WDR64: variants seen among roughly 807,000 people sequenced by gnomAD.
WDR64 encodes WD repeat-containing protein 64.
A neutral mutation model predicts 139.3 loss-of-function variants in WDR64; 112 were observed. The ratio of observed to expected loss-of-function variants is 0.80; its 90% CI spans 0.69 to 0.94. The LOEUF is 0.94. WDR64 is among the 40% of genes least tolerant of loss of function. WDR64 has a pLI of 0.00. For missense variants in WDR64, 1,206 were observed against 1,293.1 expected (o/e 0.93, Z 1.03); for synonymous variants, 444 against 437.7 (o/e 1.01, Z -0.18).
chr1:241,681,393 T>C (rs1666787537), intron 6 of WDR64, among the ~76,000 whole-genome samples: 1 of 152,196 alleles, frequency 6.6e-6, no homozygotes, highest in African/African-American at 2.4e-5. Context: ...ATTCCTGAGT[T>C]ACTTCACTTA....
intron 26 of WDR64, 107 bp from the exon 27 acceptor site, chr1:241,796,150 G>A (rs1659358317): frequency 3.7e-6 from 2 of 545,746 alleles, no homozygotes; most frequent in African/African-American, 2.0e-5. Context: ...AGGGGGGTGT[G>A]TATTTTGAAG....
chr1:241,658,132 A>G (rs1489600152), intron 1 of WDR64, among the ~76,000 whole-genome samples: 1 of 152,240 alleles, frequency 6.6e-6, no homozygotes, highest in Non-Finnish European at 1.5e-5. Context: ...GTTCTTACAC[A>G]TAACAGATAC....
intron 1 of WDR64, among the ~76,000 whole-genome samples, chr1:241,659,561 G>A (rs911522130): frequency 4.6e-5 from 7 of 151,960 alleles, no homozygotes; most frequent in Admixed American, 1.3e-4. Context: ...CCCCAACCTC[G>A]CCAGCATCTG....
intron 19 of WDR64, among the ~76,000 whole-genome samples, chr1:241,771,988 ATT>A (rs1658472892): frequency 8.7e-6 from 1 of 114,682 alleles, no homozygotes; most frequent in Admixed American, 9.8e-5. Flanking sequence ...ATATATATAT[ATT>A]CTTTTTGGAA....
chr1:241,713,407 G>GAGGAAGGGA (rs150286010), intron 9 of WDR64, among the ~76,000 whole-genome samples: 2 of 131,344 alleles, frequency 1.5e-5, no homozygotes, highest in African/African-American at 5.7e-5. Flanking sequence ...GGGAGGGAGG[G>GAGGAAGGGA]AGGAAGGGAA....
At chr1:241,771,891 T>C (rs1270329590) in intron 19 of WDR64, among the ~76,000 whole-genome samples, 194 bp downstream of exon 19, 1 of 144,676 alleles carries the variant, frequency 6.9e-6, no homozygotes, top group Non-Finnish European at 1.5e-5. Context: ...CACATATACA[T>C]ATATACATAC....
chr1:241,776,631 T>C (rs1658663990), intron 21 of WDR64, among the ~76,000 whole-genome samples: 1 of 152,206 alleles, frequency 6.6e-6, no homozygotes, highest in African/African-American at 2.4e-5. Context: ...ATAATTTATA[T>C]AGACACTAAT....
At position 241,660,564 on chromosome 1, in the gene WDR64, A is replaced by T. The variant is rs1053677024; in HGVS notation, c.180A>T (p.Val60=). The T allele has an allele frequency of 6.4e-7, 1 of 1,551,734 alleles. No individual in the cohort carries two copies. Among genetic ancestry groups the T allele is most frequent in the Non-Finnish European group, 8.7e-7 (1 of 1,146,894 alleles). ...AIGYDKFYAS[V]QKLFGPDVKN... is the part of the protein sequence containing the mutation. ...GTTATGACAAGTTTTATGCATCGGT[A>T]CAGAAGCTCTTTGGTCCAGATGTGA... Residue 60 remains valine (V), a synonymous_variant, in exon 2 of 28, where the codon GTA becomes GTT. Coordinates refer to ENST00000437684, the MANE Select transcript of WDR64 (RefSeq NM_001367482.1).
chr1:241,706,904 G>C (rs181666995), intron 8 of WDR64, among the ~76,000 whole-genome samples: 1 of 152,116 alleles, frequency 6.6e-6, no homozygotes, highest in South Asian at 2.1e-4. Context: ...CAAACTGGTA[G>C]CCTGTTAGCC....
rs755456414 is a variant in WDR64 at position 241,795,234 on chromosome 1, G to A, written c.3025G>A (p.Val1009Met). The change falls in exon 26 of 28, where the codon GTG becomes ATG. Residue 1009 changes from valine (V) to methionine (M), a missense_variant. Val to Met is a conservative substitution (Grantham distance 21). Coordinates refer to ENST00000437684, the MANE Select transcript of WDR64 (RefSeq NM_001367482.1). Reference sequence around the variant, plus strand: ...TCGAAGATATCCCTTGGAAGGTTTCGTGACTGAAAACAGAGAGGCAGGGAT... The same window carrying A: ...TCGAAGATATCCCTTGGAAGGTTTCATGACTGAAAACAGAGAGGCAGGGAT... ...KIRRYPLEGF[V>M]TENREAGIVF... 8.1e-6 allele frequency: 13 copies of A among 1,613,696 alleles called. No individual in the cohort carries two copies. Among genetic ancestry groups the A allele is most frequent in the African/African-American group, 1.3e-5 (1 of 74,898 alleles).
At chr1:241,712,487 C>CA (rs1036568091) in intron 9 of WDR64, among the ~76,000 whole-genome samples, 2 of 152,170 alleles carry the variant, frequency 1.3e-5, no homozygotes, top group African/African-American at 4.8e-5. Context: ...CTTTGAGACT[C>CA]AGACTCCTTA....
Position 241,782,618 on chromosome 1 carries a change from A to AC in WDR64, c.2596-653dup, listed in dbSNP as rs200083614. Among the ~76,000 whole-genome samples the AC allele has an allele frequency of 1.4e-3, 215 of 152,338 alleles. 4 individuals are homozygous for AC. In the East Asian group the frequency reaches 0.036, roughly 25 times the overall value. ...AATTCAGGAAGGTCTCCCGAGGCCC[A>AC]CGAGAGGCCCTAAACTTGAGGATAG... is the stretch of plus-strand genomic sequence containing the variant. On this transcript the variant is annotated intron_variant, in intron 22 of 27. Transcript: ENST00000437684.
intron 2 of WDR64, among the ~76,000 whole-genome samples, chr1:241,670,124 A>G (rs1029809363): frequency 1.3e-5 from 2 of 152,182 alleles, no homozygotes; most frequent in African/African-American, 4.8e-5. Context: ...TAAGAATTTT[A>G]TTTCTGTTGG....
At chr1:241,664,661 T>C (rs994703319) in intron 2 of WDR64, among the ~76,000 whole-genome samples, 7 of 152,254 alleles carry the variant, frequency 4.6e-5, no homozygotes, top group African/African-American at 1.7e-4. Flanking sequence ...CCTTTCTAGC[T>C]AGAACATCAT....
Position 241,660,278 on chromosome 1 carries a change from G to T in WDR64, c.146-252G>T, listed in dbSNP as rs570344335. Among the ~76,000 whole-genome samples the T allele has an allele frequency of 2.0e-5, 3 of 152,268 alleles. No individual in the cohort carries two copies. In the East Asian group the frequency reaches 5.8e-4, roughly 29 times the overall value. Reference sequence around the variant, plus strand: ...TTCTGTTCCATTGGTCTGAGTGTGTGTTCTTCTACCAGTACCATGCTTTGG... The same window carrying T: ...TTCTGTTCCATTGGTCTGAGTGTGTTTTCTTCTACCAGTACCATGCTTTGG... On this transcript the variant is annotated intron_variant, in intron 1 of 27. Transcript: ENST00000437684.
At position 241,652,628 on chromosome 1, in the gene WDR64, A is replaced by G. The variant is rs1459901499; in HGVS notation, c.144A>G (p.Glu48=). ...DERAGLFIHK[E]DAIGYDKFYA... is the part of the protein sequence containing the mutation. ...GAGCAGGCTTATTTATCCATAAAGA[A>G]GGTAAGATCAGTGATTACACGATAG... Residue 48 remains glutamate (E), a splice_region_variant and synonymous_variant, in exon 1 of 28, where the codon GAA becomes GAG. Coordinates refer to ENST00000437684, the MANE Select transcript of WDR64 (RefSeq NM_001367482.1). 6.4e-7 allele frequency: 1 copy of G among 1,551,626 alleles called. No homozygotes were observed. Among genetic ancestry groups the G allele is most frequent in the South Asian group, 1.2e-5 (1 of 84,034 alleles).
chr1:241,674,854 C>T lies in WDR64; in HGVS notation c.483+107C>T, dbSNP rs533853014. On this transcript the variant is annotated intron_variant, in intron 4 of 27. Coordinates refer to ENST00000437684, the MANE Select transcript of WDR64 (RefSeq NM_001367482.1). ...CCCTCCCTCCCTTCCTTCCTTCTTT[C>T]CTTCCTCCCTCCCTCCTTTCTTTCT... is the stretch of plus-strand genomic sequence containing the variant. 8.8e-4 allele frequency: 127 copies of T among 144,636 alleles called. 8 individuals carry two copies. In the East Asian group the frequency reaches 0.011, roughly 13 times the overall value. The allele number at this position is 144,636 out of a possible 1,614,324, so 9.0% of individuals were successfully genotyped here. A position where few individuals can be genotyped will look rare whatever the true frequency, so the allele number is the denominator to read the frequency against.
chr1:241,687,582 C>T lies in WDR64; in HGVS notation c.961C>T (p.Leu321Phe), dbSNP rs1298849229. The T allele has an allele frequency of 6.2e-7, 1 of 1,612,584 alleles. No individual in the cohort carries two copies. Among genetic ancestry groups the T allele is most frequent in the Non-Finnish European group, 8.5e-7 (1 of 1,179,168 alleles). ...ATTAGTTTTGGAATCCTTGAAGAGA[C>T]TCGAGGATAATTTGTAAGTATAGTA... ...HSLVLESLKR[L>F]EDNLPVREFS... The change falls in exon 8 of 28, where the codon CTC becomes TTC. Residue 321 changes from leucine to phenylalanine, a missense_variant. Physicochemically the swap from Leu to Phe is conservative, Grantham distance 22. Coordinates refer to ENST00000437684, the MANE Select transcript of WDR64 (RefSeq NM_001367482.1).
intron 10 of WDR64, among the ~76,000 whole-genome samples, chr1:241,725,407 C>T (rs750040804): frequency 4.0e-5 from 6 of 151,712 alleles, no homozygotes; most frequent in Non-Finnish European, 7.4e-5. Flanking sequence ...CCCTCCACGT[C>T]CCCCAGCCCC....
Sources: gnomAD v4.1 joint callset for allele counts (sites outside exome capture counted in the v4.1 genomes callset) on GRCh38, gnomAD v4.1.1 for gene constraint, MANE v1.5 for transcripts, NCBI Gene and HGNC (gene_info 2026-07-23, HGNC 2026-07-21) for gene names.